Variants in SH3RF3 observed in about 807,000 individuals in gnomAD.
SH3RF3 encodes SH3 domain containing ring finger 3.
A neutral mutation model predicts 66.3 loss-of-function variants in SH3RF3; 29 were observed. The ratio of observed to expected loss-of-function variants is 0.44; its 90% CI spans 0.33 to 0.60. The LOEUF (loss-of-function observed/expected upper bound fraction) is 0.60, where lower values mean the gene tolerates loss of function less well. SH3RF3 is among the 20% of genes least tolerant of loss of function. SH3RF3 has a pLI of 0.04. For missense variants in SH3RF3, 1,194 were observed against 1,190.9 expected (o/e 1.00, Z -0.04); for synonymous variants, 583 against 532.0 (o/e 1.10, Z -1.32).
intron 2 of SH3RF3, among the ~76,000 whole-genome samples, chr2:109,360,522 A>G (rs1466129919): frequency 1.3e-5 from 2 of 152,252 alleles, no homozygotes; most frequent in African/African-American, 2.4e-5. Context: ...CTGGGGTCCC[A>G]TACCCAAGAT....
chr2:109,449,348 A>G lies in SH3RF3; in HGVS notation c.2007A>G (p.Thr669=), dbSNP rs1341125733. ...GCCCACGGCCGGCCATCCCCCTCAC[A>G]TCAGCAGCATCAGCCATCACACCTC... The part of the protein sequence containing the change: ...QMCPRPAIPL[T]SAASAITPPN... The change falls in exon 8 of 10, where the codon ACA becomes ACG. Residue 669 remains threonine, a synonymous_variant. Transcript: ENST00000309415. 3 of 1,607,504 alleles carry G rather than the reference A, an allele frequency of 1.9e-6. No individual in the cohort carries two copies. Among genetic ancestry groups the G allele is most frequent in the Non-Finnish European group, 2.5e-6 (3 of 1,176,482 alleles).
At chr2:109,337,332 C>A (rs998123048) in intron 1 of SH3RF3, among the ~76,000 whole-genome samples, 4 of 152,244 alleles carry the variant, frequency 2.6e-5, no homozygotes, top group Non-Finnish European at 5.9e-5. Flanking sequence ...GTGCATCGGG[C>A]TGCTGGCCCC....
chr2:109,225,544 A>C (rs1391143330), intron 1 of SH3RF3, among the ~76,000 whole-genome samples: 1 of 152,184 alleles, frequency 6.6e-6, no homozygotes, highest in African/African-American at 2.4e-5. Context: ...TTCTCCTGAG[A>C]GTTAGGCCAG....
At chr2:109,489,183 G>C (rs1470132378) in intron 8 of SH3RF3, among the ~76,000 whole-genome samples, 2 of 152,244 alleles carry the variant, frequency 1.3e-5, no homozygotes, top group African/African-American at 4.8e-5. Flanking sequence ...GCAGTGCCTG[G>C]GGCACAGGCT....
chr2:109,223,259 C>T (rs1044371620), intron 1 of SH3RF3, among the ~76,000 whole-genome samples: 10 of 152,166 alleles, frequency 6.6e-5, no homozygotes, highest in Non-Finnish European at 8.8e-5. Flanking sequence ...TTGGCTGTTA[C>T]CAGATCCAGA....
At chr2:109,243,707 G>A (rs753003290) in intron 1 of SH3RF3, among the ~76,000 whole-genome samples, 4 of 152,218 alleles carry the variant, frequency 2.6e-5, no homozygotes, top group Non-Finnish European at 5.9e-5. Flanking sequence ...GGTACAGGGA[G>A]ACTAAGGAGA....
intron 4 of SH3RF3, among the ~76,000 whole-genome samples, chr2:109,405,805 C>G (rs1192936199): frequency 6.6e-6 from 1 of 152,246 alleles, no homozygotes; most frequent in East Asian, 1.9e-4. Flanking sequence ...TGGCCATCCC[C>G]CCTTCCTCCC....
At chr2:109,398,005 G>A (rs1292977103) in intron 3 of SH3RF3, among the ~76,000 whole-genome samples, 2 of 152,228 alleles carry the variant, frequency 1.3e-5, no homozygotes, top group Non-Finnish European at 2.9e-5. Context: ...GGTATGCTCA[G>A]GCCAGCTTCT....
At chr2:109,360,368 G>A (rs1056319025) in intron 2 of SH3RF3, among the ~76,000 whole-genome samples, 4 of 152,166 alleles carry the variant, frequency 2.6e-5, no homozygotes, top group African/African-American at 7.2e-5. Context: ...CAGATGGTCC[G>A]CATGGGTGAT....
At chr2:109,280,395 C>T (rs550592385) in intron 1 of SH3RF3, among the ~76,000 whole-genome samples, 2 of 152,260 alleles carry the variant, frequency 1.3e-5, no homozygotes, top group South Asian at 2.1e-4. Flanking sequence ...CACCTGAGTG[C>T]GCTCTTGGCT....
intron 1 of SH3RF3, among the ~76,000 whole-genome samples, chr2:109,250,418 C>T (rs1266690895): frequency 6.6e-6 from 1 of 152,016 alleles, no homozygotes; most frequent in Admixed American, 6.5e-5. Context: ...TTCGTTTCTT[C>T]ATGAAACAAT....
intron 1 of SH3RF3, among the ~76,000 whole-genome samples, chr2:109,236,766 G>T (rs1679659098): frequency 6.6e-6 from 1 of 152,158 alleles, no homozygotes; most frequent in African/African-American, 2.4e-5. Context: ...GTGCTGCCCT[G>T]AAGTGAGGGG....
intron 1 of SH3RF3, among the ~76,000 whole-genome samples, chr2:109,320,203 G>A (rs186466018): frequency 2.3e-4 from 35 of 152,224 alleles, no homozygotes; most frequent in Non-Finnish European, 4.0e-4. Context: ...GCCTCTGCTC[G>A]GCTCATTGAC....
chr2:109,259,947 T>C (rs1032596312), intron 1 of SH3RF3, among the ~76,000 whole-genome samples: 3 of 152,198 alleles, frequency 2.0e-5, no homozygotes, highest in East Asian at 1.9e-4. Context: ...ATGATATCCA[T>C]GTTCTCAGAC....
At chr2:109,485,107 A>T (rs555734685) in intron 8 of SH3RF3, among the ~76,000 whole-genome samples, 1 of 152,304 alleles carries the variant, frequency 6.6e-6, no homozygotes. Flanking sequence ...TAACTTTGCA[A>T]ATTGAGTCCC....
At chr2:109,151,235 T>C (rs1315871738) in intron 1 of SH3RF3, among the ~76,000 whole-genome samples, 1 of 152,236 alleles carries the variant, frequency 6.6e-6, no homozygotes, top group Non-Finnish European at 1.5e-5. Flanking sequence ...TGCTGTCTTC[T>C]TGTCCGAGGC....
intron 3 of SH3RF3, among the ~76,000 whole-genome samples, chr2:109,384,434 C>G (rs963940229): frequency 6.6e-6 from 1 of 151,934 alleles, no homozygotes; most frequent in African/African-American, 2.4e-5. Context: ...GGGAGCAGGT[C>G]CAGGGGTGGC....
At chr2:109,206,368 G>A (rs754849566) in intron 1 of SH3RF3, among the ~76,000 whole-genome samples, 7 of 151,766 alleles carry the variant, frequency 4.6e-5, no homozygotes, top group East Asian at 3.9e-4. Context: ...GAGGGCACCT[G>A]TAGTCCCAGC....
chr2:109,424,502 G>A (rs1283731174), intron 5 of SH3RF3, among the ~76,000 whole-genome samples: 1 of 152,028 alleles, frequency 6.6e-6, no homozygotes, highest in African/African-American at 2.4e-5. Flanking sequence ...TTGAAGCTTC[G>A]GGGCAACCCA....
Sources: gnomAD v4.1 joint callset for allele counts (sites outside exome capture counted in the v4.1 genomes callset) on GRCh38, gnomAD v4.1.1 for gene constraint, MANE v1.5 for transcripts, NCBI Gene and HGNC (gene_info 2026-07-23, HGNC 2026-07-21) for gene names.